SPAG16: variants seen among roughly 807,000 people sequenced by gnomAD.
SPAG16 encodes the protein sperm associated antigen 16.
Under a neutral mutation model 80.4 loss-of-function variants are expected in SPAG16, and 86 were observed. The ratio of observed to expected loss-of-function variants is 1.07; its 90% confidence interval spans 0.90 to 1.28. SPAG16 has a LOEUF of 1.28. Ranked by LOEUF, SPAG16 falls within the 50% of genes most tolerant of loss-of-function variation. The probability of loss-of-function intolerance (pLI) is 0.00; values close to 1 mark genes in which losing one functional copy is unlikely to be tolerated. For missense variants in SPAG16, 870 were observed against 765.3 expected, an observed-to-expected ratio of 1.14 and a Z score of -1.61; for synonymous variants, 294 against 265.9, an observed-to-expected ratio of 1.11 and a Z score of -1.03.
chr2:213,835,538 G>T lies in SPAG16; in HGVS notation c.1071-26947G>T, dbSNP rs560878363. On this transcript the variant is annotated intron_variant, in intron 10 of 15. Transcript: ENST00000331683. ...CTAGAATCCATGCTAACACATTATG[G>T]TCTCCCTGGTTGGATGTCCTGTGTT... is the stretch of plus-strand genomic sequence containing the variant. Among the ~76,000 whole-genome samples, 16 of 152,172 alleles carry T rather than the reference G, an allele frequency of 1.1e-4. 1 individual carries two copies. The South Asian group carries it at 3.1e-3, about 30-fold the overall frequency.
chr2:213,423,631 A>T (rs1042333227), intron 9 of SPAG16, among the ~76,000 whole-genome samples: 1 of 152,254 alleles, frequency 6.6e-6, no homozygotes, highest in African/African-American at 2.4e-5. Context: ...GTTATTAATC[A>T]TGATGACAAT....
intron 10 of SPAG16, among the ~76,000 whole-genome samples, chr2:213,513,929 C>A (rs961566434): frequency 6.6e-6 from 1 of 152,134 alleles, no homozygotes; most frequent in Non-Finnish European, 1.5e-5. Context: ...GATTGCAAAT[C>A]TTTTCTTATA....
intron 15 of SPAG16, among the ~76,000 whole-genome samples, chr2:214,274,195 C>T (rs989821463): frequency 7.2e-5 from 11 of 152,090 alleles, no homozygotes; most frequent in African/African-American, 1.4e-4. Context: ...GGAGATTTTG[C>T]GCTGAGACAG....
chr2:213,325,129 A>G (rs74447282), intron 5 of SPAG16, among the ~76,000 whole-genome samples: 8,155 of 152,080 alleles, frequency 0.054, 703 homozygotes, highest in African/African-American at 0.18. Context: ...TATTCTGGAT[A>G]TAAGTGCTTT....
chr2:213,904,315 G>T (rs1200167570), intron 11 of SPAG16, among the ~76,000 whole-genome samples: 1 of 152,138 alleles, frequency 6.6e-6, no homozygotes, highest in African/African-American at 2.4e-5. Flanking sequence ...CCACATGGCT[G>T]GGGAGGCCTC....
intron 7 of SPAG16, among the ~76,000 whole-genome samples, chr2:213,356,238 G>GT (rs1484690232): frequency 6.6e-6 from 1 of 152,120 alleles, no homozygotes; most frequent in African/African-American, 2.4e-5. Flanking sequence ...CCAGGCTTTG[G>GT]TATCAGGATG....
chr2:213,454,109 G>A (rs990503185), intron 9 of SPAG16, among the ~76,000 whole-genome samples: 4 of 152,062 alleles, frequency 2.6e-5, no homozygotes, highest in Non-Finnish European at 5.9e-5. Context: ...AATAGCAAAC[G>A]GGGAACATGT....
intron 9 of SPAG16, among the ~76,000 whole-genome samples, chr2:213,453,811 A>T (rs1414071393): frequency 6.6e-6 from 1 of 152,234 alleles, no homozygotes; most frequent in Admixed American, 6.5e-5. Flanking sequence ...AGAAGACAGC[A>T]TATGAAGGGA....
At chr2:213,368,644 A>G (rs2066458424) in intron 8 of SPAG16, among the ~76,000 whole-genome samples, 1 of 152,242 alleles carries the variant, frequency 6.6e-6, no homozygotes, top group South Asian at 2.1e-4. Context: ...TGCAGATGAC[A>G]TGATTGTATA....
intron 15 of SPAG16, among the ~76,000 whole-genome samples, chr2:214,166,814 G>T (rs1464365612): frequency 6.6e-6 from 1 of 152,094 alleles, no homozygotes; most frequent in African/African-American, 2.4e-5. Flanking sequence ...AATATATAAC[G>T]AGTTTTCAAT....
At chr2:213,813,587 C>T (rs544394168) in intron 10 of SPAG16, among the ~76,000 whole-genome samples, 1 of 152,214 alleles carries the variant, frequency 6.6e-6, no homozygotes, top group African/African-American at 2.4e-5. Context: ...AGGTCTGCTG[C>T]TATTGGGGGA....
chr2:214,019,373 C>A (rs908066380), intron 13 of SPAG16, among the ~76,000 whole-genome samples: 22 of 152,116 alleles, frequency 1.4e-4, no homozygotes, highest in Non-Finnish European at 2.2e-4. Flanking sequence ...CAGAGCTGGG[C>A]TGGCAACAGT....
At position 213,632,339 on chromosome 2, in the gene SPAG16, A is replaced by G. The variant is rs1023315439; in HGVS notation, c.1070+142249A>G. Among the ~76,000 whole-genome samples, 3 of 152,122 alleles carry G rather than the reference A, an allele frequency of 2.0e-5. 1 individual carries two copies. The highest frequency in any genetic ancestry group is 4.4e-5 in the Non-Finnish European group (3 of 67,980). ...TGTTGATTTTGTATCCTGTAACTTT[A>G]CTGAATTTATCAGTTCTAATAGTTT... On this transcript the variant is annotated intron_variant, in intron 10 of 15. Coordinates refer to ENST00000331683, the MANE Select transcript of SPAG16 (RefSeq NM_024532.5).
intron 13 of SPAG16, among the ~76,000 whole-genome samples, chr2:214,041,296 T>G (rs1250287124): frequency 6.6e-6 from 1 of 152,046 alleles, no homozygotes; most frequent in Admixed American, 6.5e-5. Flanking sequence ...GTTTTCTTCT[T>G]TTTCACTGTT....
intron 11 of SPAG16, among the ~76,000 whole-genome samples, chr2:213,925,928 G>T (rs1426830185): frequency 6.6e-6 from 1 of 151,090 alleles, no homozygotes; most frequent in Non-Finnish European, 1.5e-5. Context: ...TGCCAATGCT[G>T]CTCAGCAATT....
chr2:213,350,736 A>G, intron 7 of SPAG16, 91 bp downstream of exon 7: 1 of 723,168 alleles, frequency 1.4e-6, no homozygotes, highest in Non-Finnish European at 2.2e-6. Context: ...TCTGAGATTA[A>G]TTTTAAAACA....
At chr2:213,466,133 G>T (rs1186734968) in intron 9 of SPAG16, among the ~76,000 whole-genome samples, 2 of 152,124 alleles carry the variant, frequency 1.3e-5, no homozygotes, top group African/African-American at 4.8e-5. Context: ...CTTCAACTCT[G>T]GGACTCAGGG....
chr2:214,330,033 A>G (rs1696795186), intron 15 of SPAG16, among the ~76,000 whole-genome samples: 1 of 151,778 alleles, frequency 6.6e-6, no homozygotes, highest in African/African-American at 2.4e-5. Flanking sequence ...TTGGGGGGCC[A>G]TGGCAGGTGG....
At chr2:213,681,601 C>G (rs2064386002) in intron 10 of SPAG16, among the ~76,000 whole-genome samples, 1 of 152,028 alleles carries the variant, frequency 6.6e-6, no homozygotes, top group South Asian at 2.1e-4. Context: ...TCTTATTATA[C>G]TCAGTGGTAG....
Sources: gnomAD v4.1 joint callset for allele counts (sites outside exome capture counted in the v4.1 genomes callset) on GRCh38, gnomAD v4.1.1 for gene constraint, MANE v1.5 for transcripts, NCBI Gene and HGNC (gene_info 2026-07-23, HGNC 2026-07-21) for gene names.